ZNF804A: variants seen among roughly 807,000 people sequenced by gnomAD.
ZNF804A encodes the protein zinc finger protein 804A.
ZNF804A carries 2 observed loss-of-function variants against 16.5 expected under a neutral mutation model. The observed-to-expected ratio is 0.12, with a 90% CI of 0.05 to 0.38. The LOEUF is 0.38. Among genes scored for constraint, ZNF804A ranks in the 10% least tolerant of loss-of-function variants. The pLI is 0.99. For synonymous variants in ZNF804A, 534 were observed against 489.6 expected, an observed-to-expected ratio of 1.09 and a Z score of -1.20; for missense variants, 1,473 against 1,390.7, an observed-to-expected ratio of 1.06 and a Z score of -0.94.
intron 1 of ZNF804A, among the ~76,000 whole-genome samples, chr2:184,682,478 G>A (rs1574160607): frequency 6.6e-6 from 1 of 151,910 alleles, no homozygotes. Flanking sequence ...TTTTTTTTGT[G>A]ACTTTTTTTT....
chr2:184,798,794 G>A (rs996763218), intron 1 of ZNF804A, among the ~76,000 whole-genome samples: 11 of 152,060 alleles, frequency 7.2e-5, no homozygotes, highest in African/African-American at 2.2e-4. Flanking sequence ...ATTTTTGGGG[G>A]TGTTAAAAAG....
At chr2:184,720,705 G>A (rs1693298956) in intron 1 of ZNF804A, among the ~76,000 whole-genome samples, 1 of 152,092 alleles carries the variant, frequency 6.6e-6, no homozygotes. Context: ...CAGATTCAGT[G>A]CAATCTCTAT....
At chr2:184,773,180 T>TA (rs539488794) in intron 1 of ZNF804A, among the ~76,000 whole-genome samples, 1,927 of 151,324 alleles carry the variant, frequency 0.013, 17 homozygotes, top group Non-Finnish European at 0.019. Flanking sequence ...AGCTTACTTT[T>TA]AAAAAAAACA....
intron 1 of ZNF804A, among the ~76,000 whole-genome samples, chr2:184,825,225 T>G (rs895862406): frequency 6.6e-6 from 1 of 152,114 alleles, no homozygotes; most frequent in Non-Finnish European, 1.5e-5. Context: ...ATCTGATGGA[T>G]AAATAAATTA....
chr2:184,924,409 T>C (rs911324738), intron 2 of ZNF804A, among the ~76,000 whole-genome samples: 1 of 151,842 alleles, frequency 6.6e-6, no homozygotes, highest in African/African-American at 2.4e-5. Flanking sequence ...TCTGTTGCAA[T>C]CTCTCCTTTT....
At chr2:184,662,350 A>G (rs1574151885) in intron 1 of ZNF804A, among the ~76,000 whole-genome samples, 1 of 152,178 alleles carries the variant, frequency 6.6e-6, no homozygotes, top group African/African-American at 2.4e-5. Flanking sequence ...ATTCCTTGGA[A>G]CTGTCAGGAA....
At chr2:184,810,551 A>G (rs1279381475) in intron 1 of ZNF804A, among the ~76,000 whole-genome samples, 1 of 124,226 alleles carries the variant, frequency 8.0e-6, no homozygotes, top group African/African-American at 3.2e-5. Flanking sequence ...AGTGCAGTGG[A>G]GCGATCTCTG....
At chr2:184,670,712 T>G (rs1444836681) in intron 1 of ZNF804A, among the ~76,000 whole-genome samples, 1 of 152,178 alleles carries the variant, frequency 6.6e-6, no homozygotes, top group Non-Finnish European at 1.5e-5. Context: ...TAAATTTACT[T>G]ATTTTAAACC....
chr2:184,926,406 TC>T (rs1685613732), intron 2 of ZNF804A, among the ~76,000 whole-genome samples: 1 of 152,120 alleles, frequency 6.6e-6, no homozygotes, highest in African/African-American at 2.4e-5. Flanking sequence ...ATTTGTTTCT[TC>T]TTTCTTGCTG....
At chr2:184,739,552 C>G (rs1419008391) in intron 1 of ZNF804A, among the ~76,000 whole-genome samples, 1 of 152,048 alleles carries the variant, frequency 6.6e-6, no homozygotes, top group Non-Finnish European at 1.5e-5. Flanking sequence ...CACCACAAAG[C>G]CTGGCTCATT....
intron 1 of ZNF804A, among the ~76,000 whole-genome samples, chr2:184,848,916 G>A (rs1359851841): frequency 1.3e-5 from 2 of 152,058 alleles, no homozygotes; most frequent in African/African-American, 2.4e-5. Context: ...AGTGCTTCTT[G>A]AAAGTAAAGC....
chr2:184,824,648 A>G (rs1387901477), intron 1 of ZNF804A, among the ~76,000 whole-genome samples: 1 of 152,160 alleles, frequency 6.6e-6, no homozygotes, highest in Non-Finnish European at 1.5e-5. Flanking sequence ...GCTTGAGACA[A>G]CCACTTTTTT....
chr2:184,770,655 A>T (rs934583599), intron 1 of ZNF804A, among the ~76,000 whole-genome samples: 5 of 152,090 alleles, frequency 3.3e-5, no homozygotes, highest in Non-Finnish European at 7.4e-5. Context: ...AAGATAAATT[A>T]TAAACAAGTA....
At chr2:184,655,652 T>C (rs138539301) in intron 1 of ZNF804A, among the ~76,000 whole-genome samples, 5 of 152,208 alleles carry the variant, frequency 3.3e-5, no homozygotes, top group Non-Finnish European at 7.4e-5. Flanking sequence ...TTCTGTATGG[T>C]TTTATTTGAT....
At chr2:184,624,320 A>T (rs1691465352) in intron 1 of ZNF804A, among the ~76,000 whole-genome samples, 2 of 152,190 alleles carry the variant, frequency 1.3e-5, no homozygotes, top group Non-Finnish European at 2.9e-5. Context: ...ATACTATAAG[A>T]CATCTACAAG....
chr2:184,661,724 G>A (rs1394342784), intron 1 of ZNF804A, among the ~76,000 whole-genome samples: 1 of 152,182 alleles, frequency 6.6e-6, no homozygotes, highest in Non-Finnish European at 1.5e-5. Context: ...TTTTCAGGCT[G>A]AATTCAACTG....
chr2:184,857,379 T>G (rs773036737), intron 1 of ZNF804A, among the ~76,000 whole-genome samples: 3 of 152,104 alleles, frequency 2.0e-5, no homozygotes, highest in African/African-American at 4.8e-5. Flanking sequence ...TTATTAAAAC[T>G]TGTTTTGTTG....
rs146393018 is a variant in ZNF804A at position 184,774,505 on chromosome 2, C to T, written c.112-91864C>T. On this transcript the variant is annotated intron_variant, in intron 1 of 3. Transcript: ENST00000302277. ...GTGGAGAAAGTGGAACATCTTGTTG[C>T]TGTTCATTTTATTGGTTTGGTCAGA... Among the ~76,000 whole-genome samples the T allele has an allele frequency of 2.1e-3, 326 of 151,644 alleles. 1 individual carries two copies. The highest frequency in any genetic ancestry group is 6.8e-3 in the Middle Eastern group (2 of 294).
chr2:184,824,214 T>A (rs1365954188), intron 1 of ZNF804A, among the ~76,000 whole-genome samples: 1 of 152,114 alleles, frequency 6.6e-6, no homozygotes, highest in African/African-American at 2.4e-5. Flanking sequence ...TAAATTAAAA[T>A]CTTATCAAAT....
Sources: gnomAD v4.1 joint callset for allele counts (sites outside exome capture counted in the v4.1 genomes callset) on GRCh38, gnomAD v4.1.1 for gene constraint, MANE v1.5 for transcripts, NCBI Gene and HGNC (gene_info 2026-07-23, HGNC 2026-07-21) for gene names.